SGO2: variants seen among roughly 807,000 people sequenced by gnomAD.
The protein encoded by SGO2 is shugoshin 2.
Under a neutral mutation model 99.5 loss-of-function variants are expected in SGO2, and 68 were observed. The ratio of observed to expected loss-of-function variants is 0.68; its 90% CI spans 0.56 to 0.84. The LOEUF (loss-of-function observed/expected upper bound fraction) is 0.84, where lower values mean the gene tolerates loss of function less well. SGO2 is among the 40% of genes least tolerant of loss of function. The pLI is 0.00. For synonymous variants in SGO2, 457 were observed against 487.1 expected, an observed-to-expected ratio of 0.94 and a Z score of 0.81; for missense variants, 1,350 against 1,436.7, an observed-to-expected ratio of 0.94 and a Z score of 0.97.
intron 4 of SGO2, among the ~76,000 whole-genome samples, chr2:200,538,888 T>A (rs1250965088): frequency 6.6e-6 from 1 of 152,142 alleles, no homozygotes; most frequent in Non-Finnish European, 1.5e-5. Flanking sequence ...AATTCTTTTT[T>A]GCCAGTTTTG....
At chr2:200,533,465 G>A (rs1385550955) in intron 2 of SGO2, 3 of 196,946 alleles carry the variant, frequency 1.5e-5, no homozygotes, top group African/African-American at 4.8e-5. Flanking sequence ...GTAGCCTTGA[G>A]GAGGTGGGCT....
At chr2:200,565,865 A>G (rs751046097) in intron 5 of SGO2, among the ~76,000 whole-genome samples, 9 of 152,172 alleles carry the variant, frequency 5.9e-5, no homozygotes, top group Admixed American at 2.0e-4. Context: ...CAGCTACTGA[A>G]GCTTGTGCAT....
intron 5 of SGO2, among the ~76,000 whole-genome samples, chr2:200,557,489 C>T (rs987569298): frequency 3.3e-5 from 5 of 152,088 alleles, no homozygotes; most frequent in East Asian, 3.9e-4. Flanking sequence ...TATTGGAAAG[C>T]GTCCTGATCC....
intron 5 of SGO2, among the ~76,000 whole-genome samples, chr2:200,544,700 T>G (rs767586746): frequency 0.13 from 19,809 of 151,596 alleles, 1,425 homozygotes; most frequent in South Asian, 0.24. Context: ...GAGATCTATC[T>G]ATCTATCTAT....
intron 5 of SGO2, among the ~76,000 whole-genome samples, chr2:200,555,676 T>A (rs2032678481): frequency 6.6e-6 from 1 of 152,076 alleles, no homozygotes; most frequent in Non-Finnish European, 1.5e-5. Flanking sequence ...AACAGCCGAG[T>A]ATCCCCACCA....
rs770096833 is a variant in SGO2 at position 200,572,182 on chromosome 2, TAGAA to T, written c.1843_1846del (p.Lys615Ter). ...AAAATGAATCAAACATTAATAAGCT[TAGAA>T]AGAAAGTAAACCGGAAGACAGAAAT... is the stretch of plus-strand genomic sequence containing the variant. On this transcript the variant is annotated frameshift_variant, in exon 7 of 9. Transcript: ENST00000357799. LOFTEE classifies it high-confidence loss of function. The T allele has an allele frequency of 8.7e-6, 14 of 1,612,298 alleles. No homozygotes were observed. The highest frequency in any genetic ancestry group is 1.0e-5 in the Non-Finnish European group (12 of 1,179,402).
At chr2:200,562,484 G>A (rs2033011439) in intron 5 of SGO2, among the ~76,000 whole-genome samples, 3 of 152,290 alleles carry the variant, frequency 2.0e-5, no homozygotes, top group South Asian at 2.1e-4. Context: ...TTGAAGTCAG[G>A]TAGCGTGATG....
intron 8 of SGO2, 102 bp downstream of exon 8, chr2:200,575,563 G>A (rs2033627366): frequency 3.7e-6 from 3 of 803,408 alleles, no homozygotes; most frequent in South Asian, 2.5e-5. Context: ...TCAATAAAAT[G>A]TATATTATTG....
rs752068710 is a variant in SGO2 at position 200,572,868 on chromosome 2, T to A, written c.2522T>A (p.Phe841Tyr). The change falls in exon 7 of 9, where the codon TTC (phenylalanine) becomes TAC (tyrosine). Residue 841 changes from phenylalanine to tyrosine, a missense_variant. Coordinates refer to ENST00000357799, the MANE Select transcript of SGO2 (RefSeq NM_152524.6). Reference sequence around the variant, plus strand: ...GTACATGACCTAGAAAAAGATAACTTCTTCTCTCTAACCCCAAAGGATAAA... The same window carrying A: ...GTACATGACCTAGAAAAAGATAACTACTTCTCTCTAACCCCAAAGGATAAA... Reference protein sequence around the residue: ...KGVHDLEKDNFFSLTPKDKET... With the variant: ...KGVHDLEKDNYFSLTPKDKET... 5.6e-6 allele frequency: 9 copies of A among 1,595,152 alleles called. No individual in the cohort carries two copies. Among genetic ancestry groups the A allele is most frequent in the Admixed American group, 1.8e-5 (1 of 55,138 alleles).
chr2:200,575,522 C>T (rs951657212), intron 8 of SGO2, 61 bp downstream of exon 8: 15 of 1,270,738 alleles, frequency 1.2e-5, no homozygotes, highest in South Asian at 1.7e-5. Context: ...AAAATTTCTG[C>T]CTGAATTAGT....
Position 200,535,063 on chromosome 2 carries a change from A to T in SGO2, c.201A>T (p.Arg67Ser). 1.9e-6 allele frequency: 3 copies of T among 1,563,662 alleles called. No individual in the cohort carries two copies. The highest frequency in any genetic ancestry group is 2.6e-6 in the Non-Finnish European group (3 of 1,164,174). ...GGGCATTAGCTCAGGCTCTTAGTAG[A>T]GAAAAAGAGAATTCTCGAAGAATTA... ...NNRALAQALS[R>S]EKENSRRITT... The change falls in exon 3 of 9, where the codon AGA (arginine) becomes AGT (serine). Residue 67 changes from arginine (R) to serine (S), a missense_variant. Physicochemically the swap from Arg to Ser is moderately radical, Grantham distance 110. Transcript: ENST00000357799.
In SGO2 at chr2:200,572,699, G is replaced by A. The variant is rs749105754; in HGVS notation, c.2353G>A (p.Val785Ile). The A allele has an allele frequency of 6.2e-7, 1 of 1,612,404 alleles. No individual in the cohort carries two copies. Among genetic ancestry groups the A allele is most frequent in the East Asian group, 2.2e-5 (1 of 44,862 alleles). Residue 785 changes from valine to isoleucine, a missense_variant, in exon 7 of 9, where the codon GTT becomes ATT. Transcript: ENST00000357799. ...GNLYDSEIQN[V>I]LGVKHGHDMQ... ...CCTGTATGATTCTGAGATTCAAAAT[G>A]TTTTGGGGGTGAAACATGGCCATGA...
At chr2:200,536,359 G>A (rs993818423) in intron 4 of SGO2, among the ~76,000 whole-genome samples, 1 of 152,076 alleles carries the variant, frequency 6.6e-6, no homozygotes, top group African/African-American at 2.4e-5. Context: ...AAAGTAACAG[G>A]ATTAGACAGG....
chr2:200,571,404 ACTTTCAATTG>A lies in SGO2; in HGVS notation c.1060_1069del (p.Phe354ArgfsTer11). 1 of 1,609,528 alleles carries A rather than the reference ACTTTCAATTG, an allele frequency of 6.2e-7. No homozygotes were observed. The highest frequency in any genetic ancestry group is 8.5e-7 in the Non-Finnish European group (1 of 1,176,716). ...ATGAATCAAATTGAGGATAATGATG[ACTTTCAATTG>A]CAGAAAACTGTGTATGATGCTGACA... On this transcript the variant is annotated frameshift_variant, in exon 7 of 9. Coordinates refer to ENST00000357799, the MANE Select transcript of SGO2 (RefSeq NM_152524.6). LOFTEE classifies it high-confidence loss of function.
intron 8 of SGO2, among the ~76,000 whole-genome samples, chr2:200,580,969 CCTTTT>C (rs2033824521): frequency 6.6e-6 from 1 of 152,056 alleles, no homozygotes; most frequent in Admixed American, 6.6e-5. Flanking sequence ...TTAAGTTTCT[CCTTTT>C]CTTTAGGAGT....
At chr2:200,559,488 T>C (rs1424533126) in intron 5 of SGO2, among the ~76,000 whole-genome samples, 1 of 152,186 alleles carries the variant, frequency 6.6e-6, no homozygotes, top group Non-Finnish European at 1.5e-5. Flanking sequence ...ATTACTCTTA[T>C]TAGTTGCTTC....
intron 5 of SGO2, among the ~76,000 whole-genome samples, chr2:200,566,896 G>C (rs772398744): frequency 4.6e-5 from 7 of 152,208 alleles, no homozygotes; most frequent in Admixed American, 2.6e-4. Flanking sequence ...CTCCTGGTGT[G>C]CCATTTGCTA....
Position 200,573,273 on chromosome 2 carries a change from T to G in SGO2, c.2927T>G (p.Ile976Ser), listed in dbSNP as rs767582786. 6.2e-7 allele frequency: 1 copy of G among 1,601,306 alleles called. No homozygotes were observed. The highest frequency in any genetic ancestry group is 1.1e-5 in the South Asian group (1 of 87,538). The change falls in exon 7 of 9, where the codon ATT becomes AGT. Residue 976 changes from isoleucine (I) to serine (S), a missense_variant. Coordinates refer to ENST00000357799, the MANE Select transcript of SGO2 (RefSeq NM_152524.6). ...AATGAAAAGGAAAGTTGTGATCAAATTTTAGATTCCTACAAAGTAGTTAAA... is the reference window on the plus strand; with the variant it reads ...AATGAAAAGGAAAGTTGTGATCAAAGTTTAGATTCCTACAAAGTAGTTAAA... Reference protein sequence around the residue: ...NSNEKESCDQILDSYKVVKKR... With the variant: ...NSNEKESCDQSLDSYKVVKKR...
At chr2:200,562,355 T>A (rs1190854638) in intron 5 of SGO2, among the ~76,000 whole-genome samples, 1 of 152,232 alleles carries the variant, frequency 6.6e-6, no homozygotes, top group Non-Finnish European at 1.5e-5. Context: ...TTGTCAAATA[T>A]CAGATGGTTG....
Sources: gnomAD v4.1 joint callset for allele counts (sites outside exome capture counted in the v4.1 genomes callset) on GRCh38, gnomAD v4.1.1 for gene constraint, MANE v1.5 for transcripts, NCBI Gene and HGNC (gene_info 2026-07-23, HGNC 2026-07-21) for gene names.